NPAS3: variants seen among roughly 807,000 people sequenced by gnomAD.
NPAS3 encodes the protein neuronal PAS domain-containing protein 3.
A neutral mutation model predicts 73.1 loss-of-function variants in NPAS3; 14 were observed. The observed-to-expected ratio is 0.19, with a 90% CI of 0.13 to 0.30. The LOEUF (loss-of-function observed/expected upper bound fraction) is 0.30, where lower values mean the gene tolerates loss of function less well. NPAS3 is among the 10% of genes least tolerant of loss of function. The probability of loss-of-function intolerance (pLI) is 1.00; values close to 1 mark genes in which losing one functional copy is unlikely to be tolerated. For missense variants in NPAS3, 1,096 were observed against 1,250.0 expected, an observed-to-expected ratio of 0.88 and a Z score of 1.86; for synonymous variants, 620 against 541.5, an observed-to-expected ratio of 1.14 and a Z score of -2.01.
intron 5 of NPAS3, among the ~76,000 whole-genome samples, chr14:33,567,594 T>C (rs1433856285): frequency 6.6e-6 from 1 of 152,152 alleles, no homozygotes; most frequent in Non-Finnish European, 1.5e-5. Context: ...GTGCTCAGAG[T>C]TGAAAGGTTA....
intron 3 of NPAS3, among the ~76,000 whole-genome samples, chr14:33,353,776 T>G (rs2045194293): frequency 6.6e-6 from 1 of 152,196 alleles, no homozygotes; most frequent in Admixed American, 6.5e-5. Flanking sequence ...TGATGTAGCC[T>G]GCAGGACTAG....
exon 11 of NPAS3, chr14:33,797,541 C>T (rs766950050): frequency 6.8e-6 from 11 of 1,613,852 alleles, no homozygotes; most frequent in African/African-American, 2.7e-5. Flanking sequence ...CGGAGACATC[C>T]GACTCTGAGT....
intron 1 of NPAS3, among the ~76,000 whole-genome samples, chr14:33,025,682 T>G (rs2039776047): frequency 6.6e-6 from 1 of 152,144 alleles, no homozygotes; most frequent in Non-Finnish European, 1.5e-5. Context: ...CGATCCCGAG[T>G]AAATTCTCAC....
chr14:33,799,279 T>C (rs1028465618), intron 11 of NPAS3, among the ~76,000 whole-genome samples: 1 of 152,022 alleles, frequency 6.6e-6, no homozygotes, highest in Non-Finnish European at 1.5e-5. Flanking sequence ...CAAGGGAAAA[T>C]GCAGACTCTT....
intron 1 of NPAS3, among the ~76,000 whole-genome samples, chr14:32,966,478 A>G (rs935553752): frequency 6.6e-6 from 1 of 152,224 alleles, no homozygotes; most frequent in African/African-American, 2.4e-5. Context: ...AAATGGTACT[A>G]GGAAAACTGG....
At position 33,793,901 on chromosome 14, in the gene NPAS3, G is replaced by A. The variant is rs141259662; in HGVS notation, c.1158G>A (p.Leu386=). ...TGTTTTGTTTTTTTTCGCCAGTGCT[G>A]AATAAGGGTCAGTGTGTGACAAAGT... Residue 386 remains leucine, a synonymous_variant, in exon 10 of 12, where the codon CTG becomes CTA. Coordinates refer to ENST00000356141, the Ensembl canonical transcript of NPAS3. 27 of 1,611,312 alleles carry A rather than the reference G, an allele frequency of 1.7e-5. No homozygotes were observed. The African/African-American group carries it at 3.5e-4, about 21-fold the overall frequency.
chr14:33,100,318 C>T (rs953561574), intron 2 of NPAS3, among the ~76,000 whole-genome samples: 1 of 152,082 alleles, frequency 6.6e-6, no homozygotes, highest in Non-Finnish European at 1.5e-5. Context: ...ATTAATTGAA[C>T]CACTTTTTGA....
At chr14:33,585,344 G>A (rs968064935) in intron 5 of NPAS3, among the ~76,000 whole-genome samples, 1 of 152,156 alleles carries the variant, frequency 6.6e-6, no homozygotes, top group African/African-American at 2.4e-5. Context: ...AATATGACTG[G>A]AATCTGAGAA....
intron 1 of NPAS3, among the ~76,000 whole-genome samples, chr14:32,986,010 C>T (rs886867683): frequency 6.6e-6 from 1 of 152,216 alleles, no homozygotes; most frequent in Non-Finnish European, 1.5e-5. Context: ...ATTGTCACTA[C>T]AGCCCTGAGA....
At chr14:33,682,409 T>A (rs1307853133) in intron 6 of NPAS3, among the ~76,000 whole-genome samples, 2 of 152,210 alleles carry the variant, frequency 1.3e-5, no homozygotes, top group Non-Finnish European at 2.9e-5. Flanking sequence ...TAAACACAGC[T>A]TTTATCCAAA....
rs138179964 is a variant in NPAS3, at chr14:33,728,196, G to A, written c.734-7018G>A. ...AACCCCTGCCAGGAGCAAGAAACCT[G>A]AAAGGCAACCTCATGCATTACAATT... On this transcript the variant is annotated intron_variant, in intron 6 of 11. Transcript: ENST00000356141. 8.8e-4 allele frequency among the ~76,000 whole-genome samples: 134 copies of A among 152,292 alleles called. 2 individuals carry two copies. Among genetic ancestry groups the A allele is most frequent in the South Asian group, 5.2e-3 (25 of 4,828 alleles).
intron 5 of NPAS3, among the ~76,000 whole-genome samples, chr14:33,661,271 TA>T (rs1373826903): frequency 6.6e-6 from 1 of 152,162 alleles, no homozygotes; most frequent in African/African-American, 2.4e-5. Context: ...GTCTGGGTTT[TA>T]TGGTTGGAGA....
intron 5 of NPAS3, among the ~76,000 whole-genome samples, chr14:33,672,794 A>ACAG (rs1312352881): frequency 5.9e-5 from 9 of 152,160 alleles, no homozygotes; most frequent in Non-Finnish European, 1.3e-4. Context: ...CTACCACTAA[A>ACAG]CAGCTGGGTA....
In NPAS3 at chr14:33,376,143, C is replaced by T. The variant is rs562654735; in HGVS notation, c.468+8875C>T. ...GATCAAACAGAGGTTGATTGTAAAC[C>T]GTTATTTCCCTATATTGTACTGCCT... On this transcript the variant is annotated intron_variant, in intron 4 of 11. Coordinates refer to ENST00000356141, the Ensembl canonical transcript of NPAS3. Among the ~76,000 whole-genome samples, 40 of 152,150 alleles carry T rather than the reference C, an allele frequency of 2.6e-4. 1 individual carries two copies. The highest frequency in any genetic ancestry group is 6.7e-4 in the African/African-American group (28 of 41,518).
At chr14:33,682,147 T>G (rs1325190107) in intron 6 of NPAS3, among the ~76,000 whole-genome samples, 1 of 152,204 alleles carries the variant, frequency 6.6e-6, no homozygotes, top group African/African-American at 2.4e-5. Flanking sequence ...CACATTTAAT[T>G]GCTTTCCATA....
chr14:33,268,747 C>A (rs1393780683), intron 3 of NPAS3, among the ~76,000 whole-genome samples: 1 of 152,106 alleles, frequency 6.6e-6, no homozygotes, highest in African/African-American at 2.4e-5. Context: ...TTTTTCCATG[C>A]CAGTCTAGGT....
rs11377851 is a variant in NPAS3, at chr14:33,544,820, A to ATATATG, written c.469-15301_469-15300insTATATG. Among the ~76,000 whole-genome samples the ATATATG allele has an allele frequency of 5.1e-3, 500 of 98,538 alleles. 49 individuals are homozygous for ATATATG. The highest frequency in any genetic ancestry group is 0.025 in the African/African-American group (462 of 18,492). 64.6% of individuals were successfully genotyped at this position (98,538 alleles called of 152,430 possible). On this transcript the variant is annotated intron_variant, in intron 4 of 11. Transcript: ENST00000356141. ...TATATATATATATATATGTATATATAATATATATGTGTATATATATATTAT... is the reference window on the plus strand; with the variant it reads ...TATATATATATATATATGTATATATATATATGATATATATGTGTATATATATATTAT...
chr14:33,501,258 T>A (rs942927175), intron 4 of NPAS3, among the ~76,000 whole-genome samples: 1 of 151,900 alleles, frequency 6.6e-6, no homozygotes, highest in Non-Finnish European at 1.5e-5. Flanking sequence ...ATCTGAAGAT[T>A]AAAGTCAATA....
At chr14:33,250,588 GTC>G (rs372810192) in intron 3 of NPAS3, among the ~76,000 whole-genome samples, 5 of 152,176 alleles carry the variant, frequency 3.3e-5, no homozygotes, top group African/African-American at 9.6e-5. Flanking sequence ...AAAGTGGACT[GTC>G]TGTTTACTTT....
Sources: gnomAD v4.1 joint callset for allele counts (sites outside exome capture counted in the v4.1 genomes callset) on GRCh38, gnomAD v4.1.1 for gene constraint, MANE v1.5 for transcripts, NCBI Gene and HGNC (gene_info 2026-07-23, HGNC 2026-07-21) for gene names.